The following CPQ variants were observed in gnomAD, a reference collection of about 807,000 sequenced individuals.
CPQ encodes carboxypeptidase Q.
CPQ carries 37 observed loss-of-function variants against 45.7 expected under a neutral mutation model. That is an observed-to-expected ratio of 0.81 (90% CI 0.62 to 1.07). The LOEUF (loss-of-function observed/expected upper bound fraction) is 1.07, where lower values mean the gene tolerates loss of function less well. CPQ is among the 50% of genes least tolerant of loss of function. The probability of loss-of-function intolerance (pLI) is 0.00; values close to 1 mark genes in which losing one functional copy is unlikely to be tolerated. For synonymous variants in CPQ, 186 were observed against 205.8 expected, an observed-to-expected ratio of 0.90 and a Z score of 0.82; for missense variants, 537 against 572.9, an observed-to-expected ratio of 0.94 and a Z score of 0.64.
intron 1 of CPQ, among the ~76,000 whole-genome samples, chr8:96,691,004 C>T (rs1809297285): frequency 6.9e-6 from 1 of 145,226 alleles, no homozygotes; most frequent in African/African-American, 2.9e-5. Context: ...TGTGAGACAT[C>T]TTTGGAAGAA....
intron 2 of CPQ, among the ~76,000 whole-genome samples, chr8:96,808,166 A>G (rs766115032): frequency 6.6e-6 from 1 of 152,186 alleles, no homozygotes. Flanking sequence ...TTAGTTGGTG[A>G]TATTTAGGAA....
At chr8:96,673,861 A>C (rs979311711) in intron 1 of CPQ, among the ~76,000 whole-genome samples, 1 of 152,194 alleles carries the variant, frequency 6.6e-6, no homozygotes, top group Non-Finnish European at 1.5e-5. Context: ...ATATTGAATA[A>C]ATCGCAATAA....
chr8:97,055,229 A>C (rs1810433331), intron 6 of CPQ, among the ~76,000 whole-genome samples: 1 of 152,114 alleles, frequency 6.6e-6, no homozygotes, highest in African/African-American at 2.4e-5. Flanking sequence ...CACTGGAATC[A>C]GTCTCTCTGA....
chr8:96,834,871 T>A (rs1586419642), intron 2 of CPQ, 102 bp from the exon 3 acceptor site: 1 of 979,380 alleles, frequency 1.0e-6, no homozygotes, highest in East Asian at 2.6e-5. Context: ...TATACCAGTT[T>A]GCCAGATGTA....
chr8:96,818,330 A>G (rs1336112903), intron 2 of CPQ, among the ~76,000 whole-genome samples: 1 of 151,578 alleles, frequency 6.6e-6, no homozygotes, highest in Non-Finnish European at 1.5e-5. Context: ...GGTGCTCCAA[A>G]ACAATTACAA....
chr8:96,807,853 G>A (rs2130826991), intron 2 of CPQ, among the ~76,000 whole-genome samples: 1 of 152,248 alleles, frequency 6.6e-6, no homozygotes, highest in East Asian at 1.9e-4. Context: ...TGAAAACAAA[G>A]TACTGTATAT....
intron 5 of CPQ, among the ~76,000 whole-genome samples, chr8:97,020,698 C>T (rs567001676): frequency 6.6e-6 from 1 of 152,054 alleles, no homozygotes; most frequent in African/African-American, 2.4e-5. Flanking sequence ...TCTGAACAGA[C>T]CAAAAACAAG....
rs1361473603 is a variant in CPQ, at chr8:97,072,263, A to G, written c.1255+6053A>G. On this transcript the variant is annotated intron_variant, in intron 7 of 7. Coordinates refer to ENST00000220763, the MANE Select transcript of CPQ (RefSeq NM_016134.4). ...GATTCTTTAGGGAAAAGATGATGAT[A>G]TCTATTGGGTAAATAATTAAAAGTA... Among the ~76,000 whole-genome samples, 3 of 152,140 alleles carry G rather than the reference A, an allele frequency of 2.0e-5. No individual in the cohort carries two copies. In the East Asian group the frequency reaches 5.8e-4, roughly 29 times the overall value.
At chr8:97,005,887 C>T (rs1809373449) in intron 5 of CPQ, among the ~76,000 whole-genome samples, 1 of 152,150 alleles carries the variant, frequency 6.6e-6, no homozygotes, top group Non-Finnish European at 1.5e-5. Context: ...ATCATATATG[C>T]ATACATTGCT....
intron 1 of CPQ, among the ~76,000 whole-genome samples, chr8:96,713,428 A>G (rs1809639285): frequency 1.3e-5 from 2 of 152,292 alleles, no homozygotes; most frequent in South Asian, 4.1e-4. Flanking sequence ...GGTAATTTAT[A>G]AAGGAAAGAG....
chr8:96,763,621 A>G (rs980222009), intron 1 of CPQ, among the ~76,000 whole-genome samples: 2 of 152,144 alleles, frequency 1.3e-5, no homozygotes, highest in African/African-American at 2.4e-5. Flanking sequence ...ATACACATAC[A>G]CATCTGCAAA....
chr8:96,679,886 C>G (rs533150674), intron 1 of CPQ, among the ~76,000 whole-genome samples: 8 of 151,800 alleles, frequency 5.3e-5, no homozygotes, highest in Admixed American at 1.3e-4. Flanking sequence ...TTTCATCGAT[C>G]CTTTGTACTT....
chr8:97,049,258 A>C (rs982238992), intron 6 of CPQ, among the ~76,000 whole-genome samples: 2 of 152,160 alleles, frequency 1.3e-5, no homozygotes, highest in African/African-American at 4.8e-5. Flanking sequence ...TATGTGTATA[A>C]TACACCTCCT....
At position 96,853,248 on chromosome 8, in the gene CPQ, T is replaced by C. The variant is rs190756698; in HGVS notation, c.641+18068T>C. Among the ~76,000 whole-genome samples the C allele has an allele frequency of 4.6e-4, 70 of 152,304 alleles. No individual in the cohort carries two copies. The East Asian group carries it at 0.012, about 25-fold the overall frequency. ...AGGTATTTAGTAGAAGGTGTGATTT[T>C]TGGGGGCGCATATGAAACATTCTAA... On this transcript the variant is annotated intron_variant, in intron 3 of 7. Transcript: ENST00000220763.
chr8:96,861,447 A>G (rs10504968), intron 3 of CPQ, among the ~76,000 whole-genome samples: 59,836 of 151,892 alleles, frequency 0.39, 12,325 homozygotes, highest in Non-Finnish European at 0.46. Flanking sequence ...TGTTTAGGTC[A>G]TTAAGCTTAC....
chr8:96,717,054 T>C (rs866219412), intron 1 of CPQ, among the ~76,000 whole-genome samples: 4 of 107,604 alleles, frequency 3.7e-5, no homozygotes, highest in East Asian at 2.9e-4. Context: ...TATATATATA[T>C]ATATATATAT....
intron 1 of CPQ, among the ~76,000 whole-genome samples, chr8:96,659,633 C>G (rs575196390): frequency 6.6e-6 from 1 of 152,310 alleles, no homozygotes; most frequent in East Asian, 1.9e-4. Flanking sequence ...TCATTCATTT[C>G]ATTTCCAAAC....
Position 97,066,078 on chromosome 8 carries a change from T to C in CPQ, c.1123T>C (p.Phe375Leu), listed in dbSNP as rs1458887234. 2.5e-6 allele frequency: 4 copies of C among 1,611,812 alleles called. No individual in the cohort carries two copies. The Admixed American group carries it at 5.0e-5, about 20-fold the overall frequency. Residue 375 changes from phenylalanine to leucine, a missense_variant, in exon 7 of 8, where the codon TTC (phenylalanine) becomes CTC (leucine). Transcript: ENST00000220763. Reference protein sequence around the residue: ...AGTFLPTGLQFTGSEKARAIM... With the variant: ...AGTFLPTGLQLTGSEKARAIM... Reference sequence around the variant, plus strand: ...AACCTTCTTACCCACTGGGCTGCAATTCACTGGCAGTGAAAAGGCCAGGGC... The same window carrying C: ...AACCTTCTTACCCACTGGGCTGCAACTCACTGGCAGTGAAAAGGCCAGGGC...
chr8:97,039,227 CAG>C (rs1291836535), intron 6 of CPQ, among the ~76,000 whole-genome samples: 1 of 152,128 alleles, frequency 6.6e-6, no homozygotes, highest in African/African-American at 2.4e-5. Context: ...AAAGCAAGAA[CAG>C]AACCCTTTAT....
Sources: allele counts gnomAD v4.1 joint callset (sites outside exome capture counted in the v4.1 genomes callset), GRCh38; gene constraint gnomAD v4.1.1; transcripts MANE v1.5; gene names NCBI Gene and HGNC (gene_info 2026-07-23, HGNC 2026-07-21).